Variants in KCNK9 observed in about 807,000 individuals in gnomAD.
KCNK9 encodes potassium two pore domain channel subfamily K member 9, also known as potassium channel subfamily K member 9.
In KCNK9, 1 loss-of-function variant was observed where a neutral mutation model predicts 10.8. The observed-to-expected ratio is 0.09, with a 90% confidence interval of 0.03 to 0.44. The LOEUF is 0.44. KCNK9 is among the 20% of genes least tolerant of loss of function. The pLI, the probability that KCNK9 is intolerant of heterozygous loss-of-function variation, is 0.97. For missense variants in KCNK9, 303 were observed against 515.0 expected (o/e 0.59, Z 3.98); for synonymous variants, 231 against 222.7 (o/e 1.04, Z -0.33).
intron 1 of KCNK9, among the ~76,000 whole-genome samples, chr8:139,623,349 A>G (rs373291783): frequency 1.9e-4 from 29 of 152,250 alleles, no homozygotes; most frequent in Middle Eastern, 3.4e-3. Context: ...CTACTCATAC[A>G]TTACCCATTC....
At chr8:139,609,081 C>T (rs1225875961), downstream of KCNK9, among the ~76,000 whole-genome samples, 1 of 149,506 alleles carries the variant, frequency 6.7e-6, no homozygotes, top group Non-Finnish European at 1.5e-5. Flanking sequence ...GTCCCTTCCT[C>T]ATGGCAATCT....
At chr8:139,696,200 T>C (rs1817047975) in intron 1 of KCNK9, among the ~76,000 whole-genome samples, 1 of 152,156 alleles carries the variant, frequency 6.6e-6, no homozygotes, top group Non-Finnish European at 1.5e-5. Flanking sequence ...ATGTGTTACA[T>C]AATGAGCTCT....
intron 1 of KCNK9, among the ~76,000 whole-genome samples, chr8:139,634,999 A>G (rs571971467): frequency 6.6e-6 from 1 of 152,286 alleles, no homozygotes; most frequent in East Asian, 1.9e-4. Context: ...GGATTCTCAC[A>G]GATCACCATC....
rs1453589886 is a variant in KCNK9 at position 139,702,574 on chromosome 8, G to T, written c.283+136C>A. 5.7e-6 allele frequency: 5 copies of T among 874,920 alleles called. No individual in the cohort carries two copies. The highest frequency in any genetic ancestry group is 6.8e-6 in the Non-Finnish European group (4 of 589,934). 54.2% of individuals were successfully genotyped at this position (874,920 alleles called of 1,614,324 possible). A position where few individuals can be genotyped will look rare whatever the true frequency, so the allele number is the denominator to read the frequency against. ...GAGGGGGGGCTCCCTAGAGAGGAGGGGGCGCTGCGGGAAGGCCCCCAAGGG... is the reference window on the plus strand; with the variant it reads ...GAGGGGGGGCTCCCTAGAGAGGAGGTGGCGCTGCGGGAAGGCCCCCAAGGG... On this transcript the variant is annotated intron_variant, in intron 1 of 1. Coordinates refer to ENST00000520439, the MANE Select transcript of KCNK9 (RefSeq NM_001282534.2). The surrounding 1 kb of genome is among the most constrained non-coding windows in gnomAD (Gnocchi z 7.5).
rs542928353 is a variant in KCNK9, at chr8:139,676,779, G to A, written c.283+25931C>T. On this transcript the variant is annotated intron_variant, in intron 1 of 1. Coordinates refer to ENST00000520439, the MANE Select transcript of KCNK9 (RefSeq NM_001282534.2). ...CAGCCTGGCCAACATAGTGAAACCC[G>A]TCTCTATTAAAAATACAAAAAAATT... Among the ~76,000 whole-genome samples the A allele has an allele frequency of 3.9e-5, 6 of 152,198 alleles. No individual in the cohort carries two copies. The East Asian group carries it at 7.7e-4, about 20-fold the overall frequency.
At chr8:139,683,648 T>C (rs1816735888) in intron 1 of KCNK9, among the ~76,000 whole-genome samples, 1 of 152,150 alleles carries the variant, frequency 6.6e-6, no homozygotes, top group Admixed American at 6.5e-5. Context: ...CCAGGACACG[T>C]GGTAGCTGAA....
At chr8:139,639,246 T>C (rs1815425495) in intron 1 of KCNK9, among the ~76,000 whole-genome samples, 1 of 152,246 alleles carries the variant, frequency 6.6e-6, no homozygotes, top group African/African-American at 2.4e-5. Context: ...AGCCCATTGA[T>C]GCTCACCAGA....
intron 1 of KCNK9, among the ~76,000 whole-genome samples, chr8:139,695,249 C>A (rs1010552688): frequency 5.9e-5 from 9 of 152,200 alleles, no homozygotes; most frequent in Non-Finnish European, 1.3e-4. Context: ...AGCTAGTGCA[C>A]CAACTGAGGA....
rs747101103 is a variant in KCNK9 at position 139,702,681 on chromosome 8, G to A, written c.283+29C>T. On this transcript the variant is annotated intron_variant, in intron 1 of 1. Coordinates refer to ENST00000520439, the MANE Select transcript of KCNK9 (RefSeq NM_001282534.2). The surrounding 1 kb of genome is among the most constrained non-coding windows in gnomAD (Gnocchi z 7.5). ...CCTCCCCGGACTCCTCCCGGGGCGC[G>A]GGAGCCCAGCGGCGCGCCCAGCCCT... 3 of 1,587,852 alleles carry A rather than the reference G, an allele frequency of 1.9e-6. No homozygotes were observed. Among genetic ancestry groups the A allele is most frequent in the African/African-American group, 1.3e-5 (1 of 74,506 alleles).
intron 1 of KCNK9, among the ~76,000 whole-genome samples, chr8:139,680,414 G>A (rs1199991365): frequency 1.3e-5 from 2 of 152,168 alleles, no homozygotes; most frequent in Non-Finnish European, 2.9e-5. Flanking sequence ...GGGGCTAACT[G>A]GGTCCTACAT....
intron 1 of KCNK9, among the ~76,000 whole-genome samples, chr8:139,641,721 G>A (rs554494437): frequency 2.6e-5 from 4 of 152,194 alleles, no homozygotes; most frequent in South Asian, 2.1e-4. Context: ...CTCTCCCTAG[G>A]AGCCCTTGTC....
chr8:139,642,588 CT>C (rs1321445802), intron 1 of KCNK9, among the ~76,000 whole-genome samples: 1 of 152,212 alleles, frequency 6.6e-6, no homozygotes, highest in Admixed American at 6.5e-5. Flanking sequence ...TGGAAGGCTC[CT>C]CCTCCCACAC....
chr8:139,675,273 C>A (rs944728939), intron 1 of KCNK9, among the ~76,000 whole-genome samples: 3 of 152,218 alleles, frequency 2.0e-5, no homozygotes, highest in Admixed American at 2.0e-4. Flanking sequence ...TCTTTGCTCA[C>A]CCTTCCACCT....
intron 1 of KCNK9, among the ~76,000 whole-genome samples, chr8:139,689,639 CA>C (rs1816892600): frequency 8.3e-6 from 1 of 121,080 alleles, no homozygotes; most frequent in Admixed American, 1.1e-4. Context: ...GTGCCTTTGC[CA>C]TCATTTTTTT....
intron 1 of KCNK9, among the ~76,000 whole-genome samples, chr8:139,645,047 G>C (rs1815632803): frequency 6.6e-6 from 1 of 152,190 alleles, no homozygotes; most frequent in Admixed American, 6.5e-5. Flanking sequence ...CCCACGCACG[G>C]GGTGGCTTCC....
At position 139,702,632 on chromosome 8, in the gene KCNK9, A is replaced by T; in HGVS notation, c.283+78T>A. On this transcript the variant is annotated intron_variant, in intron 1 of 1. Coordinates refer to ENST00000520439, the MANE Select transcript of KCNK9 (RefSeq NM_001282534.2). The surrounding 1 kb of genome is among the most constrained non-coding windows in gnomAD (Gnocchi z 7.5). ...GTTTAACCCTCGACGCCCTGCACCC[A>T]GCCCGGCGCGGCGCGCTCAGCCGCC... The T allele has an allele frequency of 6.8e-7, 1 of 1,465,456 alleles. No homozygotes were observed. The highest frequency in any genetic ancestry group is 9.2e-7 in the Non-Finnish European group (1 of 1,092,452). 90.8% of individuals were successfully genotyped at this position (1,465,456 alleles called of 1,614,324 possible).
chr8:139,608,451 C>A (rs1814306808), downstream of KCNK9, among the ~76,000 whole-genome samples: 1 of 152,220 alleles, frequency 6.6e-6, no homozygotes, highest in Non-Finnish European at 1.5e-5. Context: ...TCTAGTGGGG[C>A]ATTTGCCAGA....
intron 1 of KCNK9, among the ~76,000 whole-genome samples, chr8:139,645,759 C>T (rs1815655799): frequency 6.6e-6 from 1 of 152,204 alleles, no homozygotes; most frequent in African/African-American, 2.4e-5. Flanking sequence ...GCACCTGCCC[C>T]GTGCAAGGCC....
chr8:139,617,858 G>C lies in KCNK9; in HGVS notation c.*400C>G, dbSNP rs1814647616. 6.8e-6 allele frequency: 2 copies of C among 294,770 alleles called. No individual in the cohort carries two copies. The highest frequency in any genetic ancestry group is 1.3e-5 in the Non-Finnish European group (2 of 153,034). The allele number at this position is 294,770 out of a possible 1,614,324, so 18.3% of individuals were successfully genotyped here. On this transcript the variant is annotated 3_prime_UTR_variant, in exon 2 of 2. Coordinates refer to ENST00000520439, the MANE Select transcript of KCNK9 (RefSeq NM_001282534.2). ...GAGACACCACTAAGGGTAGGCGATT[G>C]AAGGCTGAGCGTGATGTGCAGCTTT... is the stretch of plus-strand genomic sequence containing the variant.
Sources: gnomAD v4.1 joint callset for allele counts (sites outside exome capture counted in the v4.1 genomes callset) on GRCh38, gnomAD v4.1.1 for gene constraint, Gnocchi (gnomAD v3.1) non-coding constraint, MANE v1.5 for transcripts, NCBI Gene and HGNC (gene_info 2026-07-23, HGNC 2026-07-21) for gene names.